SLC30A8: variants seen among roughly 807,000 people sequenced by gnomAD.
SLC30A8 encodes solute carrier family 30 member 8.
In SLC30A8, 27 loss-of-function variants were observed where a neutral mutation model predicts 36.9. That is an observed-to-expected ratio of 0.73 (90% CI 0.54 to 1.01). The LOEUF (loss-of-function observed/expected upper bound fraction) is 1.01. SLC30A8 is among the 50% of genes least tolerant of loss of function. SLC30A8 has a pLI of 0.00. For missense variants in SLC30A8, 439 were observed against 452.0 expected, an observed-to-expected ratio of 0.97 and a Z score of 0.26; for synonymous variants, 164 against 172.4, an observed-to-expected ratio of 0.95 and a Z score of 0.38.
At chr8:117,062,744 T>G (rs1004797849) in intron 2 of SLC30A8, among the ~76,000 whole-genome samples, 2 of 152,168 alleles carry the variant, frequency 1.3e-5, no homozygotes, top group African/African-American at 2.4e-5. Context: ...CCTGTGACCT[T>G]CAGAGTCTGG....
At chr8:117,022,786 C>T (rs1034242892) in intron 1 of SLC30A8, among the ~76,000 whole-genome samples, 8 of 152,110 alleles carry the variant, frequency 5.3e-5, no homozygotes, top group African/African-American at 1.9e-4. Context: ...AGAAGAAAAC[C>T]TAGGCAATAC....
chr8:117,129,114 C>T (rs1821030492), intron 2 of SLC30A8, among the ~76,000 whole-genome samples: 1 of 152,020 alleles, frequency 6.6e-6, no homozygotes, highest in Non-Finnish European at 1.5e-5. Flanking sequence ...ATAATCACAT[C>T]TACCCAGCAA....
chr8:116,993,506 A>T (rs1458360017), intron 1 of SLC30A8, among the ~76,000 whole-genome samples: 2 of 152,072 alleles, frequency 1.3e-5, no homozygotes, highest in Non-Finnish European at 2.9e-5. Flanking sequence ...GTGATCTATC[A>T]TCAAGAGAAA....
chr8:117,170,576 G>A (rs1331994375), intron 6 of SLC30A8, among the ~76,000 whole-genome samples: 3 of 152,134 alleles, frequency 2.0e-5, no homozygotes, highest in Non-Finnish European at 4.4e-5. Flanking sequence ...AGATCTCTGT[G>A]ATCTATGTGT....
At chr8:117,015,278 G>A (rs992913983) in intron 1 of SLC30A8, among the ~76,000 whole-genome samples, 1 of 151,986 alleles carries the variant, frequency 6.6e-6, no homozygotes, top group Non-Finnish European at 1.5e-5. Flanking sequence ...AGGAAAATAC[G>A]ATGCCAGTCA....
At chr8:117,117,052 A>G (rs1054151242) in intron 2 of SLC30A8, among the ~76,000 whole-genome samples, 2 of 152,016 alleles carry the variant, frequency 1.3e-5, no homozygotes, top group Non-Finnish European at 2.9e-5. Flanking sequence ...TAAAAAGGTA[A>G]TGAAAAATAA....
intron 1 of SLC30A8, among the ~76,000 whole-genome samples, chr8:117,136,693 AGTTTTGGACAAAAAATT>A (rs1167597513): frequency 6.6e-6 from 1 of 152,004 alleles, no homozygotes; most frequent in Non-Finnish European, 1.5e-5. Flanking sequence ...GTCAGGCAGA[AGTTTTGGACAAAAAATT>A]GTTAACCCTA....
chr8:117,085,541 A>G (rs1263508894), intron 2 of SLC30A8, among the ~76,000 whole-genome samples: 1 of 152,200 alleles, frequency 6.6e-6, no homozygotes, highest in Non-Finnish European at 1.5e-5. Flanking sequence ...CATGGGACAG[A>G]TGAATTGTAC....
chr8:117,164,919 C>T (rs1344030181), intron 6 of SLC30A8, among the ~76,000 whole-genome samples: 2 of 152,202 alleles, frequency 1.3e-5, no homozygotes, highest in Non-Finnish European at 2.9e-5. Context: ...ATAACCCTCA[C>T]TGCAAAGAAA....
At chr8:116,950,499 T>C (rs1404405444), upstream of SLC30A8, 2 of 152,246 alleles carry the variant, frequency 1.3e-5, no homozygotes, top group African/African-American at 4.8e-5. Context: ...ATTTTGTTTT[T>C]TGGCAACTGG....
intron 2 of SLC30A8, among the ~76,000 whole-genome samples, chr8:117,128,069 T>C (rs532797873): frequency 3.3e-5 from 5 of 152,160 alleles, no homozygotes; most frequent in South Asian, 2.1e-4. Flanking sequence ...AAGGCATAGA[T>C]AGAAGAGAAC....
intron 1 of SLC30A8, among the ~76,000 whole-genome samples, chr8:117,006,365 G>A (rs1816171108): frequency 6.6e-6 from 1 of 152,158 alleles, no homozygotes; most frequent in Admixed American, 6.5e-5. Context: ...GTTGCAAGAT[G>A]GAGTGTAAGC....
At chr8:117,085,850 A>G (rs1464658524) in intron 2 of SLC30A8, among the ~76,000 whole-genome samples, 1 of 152,196 alleles carries the variant, frequency 6.6e-6, no homozygotes, top group Non-Finnish European at 1.5e-5. Flanking sequence ...CCTTAGCCAC[A>G]AGGAGCTTAT....
chr8:117,118,798 A>G (rs867023816), intron 2 of SLC30A8, among the ~76,000 whole-genome samples: 12 of 152,106 alleles, frequency 7.9e-5, no homozygotes, highest in South Asian at 2.1e-4. Context: ...CTACTTATCA[A>G]TCTGGTCTTT....
chr8:117,096,444 G>T (rs1819367303), intron 2 of SLC30A8, among the ~76,000 whole-genome samples: 1 of 152,048 alleles, frequency 6.6e-6, no homozygotes, highest in Non-Finnish European at 1.5e-5. Context: ...AACCCAATTG[G>T]TTCTATGTGG....
chr8:117,102,600 A>G (rs1819774662), intron 2 of SLC30A8, among the ~76,000 whole-genome samples: 1 of 152,154 alleles, frequency 6.6e-6, no homozygotes, highest in African/African-American at 2.4e-5. Flanking sequence ...CAACAGAGAC[A>G]TGCTCACTCC....
chr8:117,165,539 T>C (rs1823014547), intron 6 of SLC30A8, among the ~76,000 whole-genome samples: 1 of 152,192 alleles, frequency 6.6e-6, no homozygotes, highest in Non-Finnish European at 1.5e-5. Context: ...TCAGTAGTAC[T>C]TGAAATGGGA....
At chr8:116,990,870 A>G (rs1690683721) in intron 1 of SLC30A8, among the ~76,000 whole-genome samples, 1 of 152,208 alleles carries the variant, frequency 6.6e-6, no homozygotes. Context: ...TTATCTAAAA[A>G]ACAACCAAAT....
At chr8:117,043,116 T>A (rs1263609251) in intron 2 of SLC30A8, among the ~76,000 whole-genome samples, 1 of 152,262 alleles carries the variant, frequency 6.6e-6, no homozygotes, top group Non-Finnish European at 1.5e-5. Flanking sequence ...GAGCAGCTTA[T>A]ATTTTTTTGG....
Sources: allele counts gnomAD v4.1 joint callset (sites outside exome capture counted in the v4.1 genomes callset), GRCh38; gene constraint gnomAD v4.1.1; transcripts MANE v1.5; gene names NCBI Gene and HGNC (gene_info 2026-07-23, HGNC 2026-07-21).